The following ASXL3 variants were observed in gnomAD, a reference collection of about 807,000 sequenced individuals.
ASXL3 encodes ASXL transcriptional regulator 3.
A neutral mutation model predicts 170.6 loss-of-function variants in ASXL3; 34 were observed. The observed-to-expected ratio is 0.20, with a 90% CI of 0.15 to 0.27. The LOEUF (loss-of-function observed/expected upper bound fraction) is 0.27. ASXL3 is among the 10% of genes least tolerant of loss of function. ASXL3 has a pLI of 1.00. For synonymous variants in ASXL3, 1,002 were observed against 989.1 expected (o/e 1.01, Z -0.24); for missense variants, 2,592 against 2,695.3 (o/e 0.96, Z 0.85).
chr18:33,652,167 T>C (rs1208354947), intron 4 of ASXL3, among the ~76,000 whole-genome samples: 37 of 151,980 alleles, frequency 2.4e-4, no homozygotes, highest in Non-Finnish European at 7.4e-5. Flanking sequence ...TATTATAAAT[T>C]TTATGGTCTA....
chr18:33,681,131 A>G (rs916178626), intron 7 of ASXL3, among the ~76,000 whole-genome samples: 17 of 151,998 alleles, frequency 1.1e-4, no homozygotes, highest in Admixed American at 9.2e-4. Flanking sequence ...AGAGTTTTAT[A>G]GTGCTCTCAT....
intron 8 of ASXL3, among the ~76,000 whole-genome samples, chr18:33,695,238 G>A (rs2066754026): frequency 6.6e-6 from 1 of 152,072 alleles, no homozygotes; most frequent in Non-Finnish European, 1.5e-5. Context: ...GTAAAAGTAA[G>A]TGTGTGTTTG....
chr18:33,704,034 C>T (rs958922978), intron 8 of ASXL3, among the ~76,000 whole-genome samples: 5 of 152,060 alleles, frequency 3.3e-5, no homozygotes, highest in Non-Finnish European at 7.4e-5. Context: ...TTTTCCTGTG[C>T]TAGATTTCCA....
chr18:33,717,220 C>T (rs773952984), intron 8 of ASXL3, among the ~76,000 whole-genome samples: 3 of 152,046 alleles, frequency 2.0e-5, no homozygotes, highest in Non-Finnish European at 4.4e-5. Context: ...GACCAGCCAG[C>T]ACTAGAGCAA....
At chr18:33,698,668 G>A (rs1488917792) in intron 8 of ASXL3, among the ~76,000 whole-genome samples, 1 of 152,090 alleles carries the variant, frequency 6.6e-6, no homozygotes, top group Admixed American at 6.6e-5. Flanking sequence ...AAAAGAGAAT[G>A]AGCTTACAGA....
At chr18:33,727,041 C>G (rs1431579951) in intron 8 of ASXL3, among the ~76,000 whole-genome samples, 1 of 152,166 alleles carries the variant, frequency 6.6e-6, no homozygotes, top group Non-Finnish European at 1.5e-5. Flanking sequence ...ATTAGAGAGG[C>G]TCATCCTGAT....
At position 33,744,865 on chromosome 18, in the gene ASXL3, C is replaced by A. The variant is rs1179146397; in HGVS notation, c.5017C>A (p.His1673Asn). ...NVALPVKSEL[H>N]EADKGFRMDT... ...TGCTCTTCCTGTGAAATCTGAACTT[C>A]ACGAAGCAGACAAGGGCTTTAGAAT... Residue 1673 changes from histidine to asparagine, a missense_variant, in exon 12 of 12, where the codon CAC (histidine) becomes AAC (asparagine). Physicochemically the swap from His to Asn is moderately conservative, Grantham distance 68. Transcript: ENST00000269197. 2 of 1,614,056 alleles carry A rather than the reference C, an allele frequency of 1.2e-6. No individual in the cohort carries two copies. Among genetic ancestry groups the A allele is most frequent in the East Asian group, 4.5e-5 (2 of 44,884 alleles).
Position 33,744,969 on chromosome 18 carries a change from C to T in ASXL3, c.5121C>T (p.Asn1707=), listed in dbSNP as rs748090520. 6 of 1,613,982 alleles carry T rather than the reference C, an allele frequency of 3.7e-6. No individual in the cohort carries two copies. The highest frequency in any genetic ancestry group is 2.7e-5 in the African/African-American group (2 of 75,038). Residue 1707 remains asparagine (N), a synonymous_variant, in exon 12 of 12, where the codon AAC becomes AAT. Transcript: ENST00000269197. ...EGASSVQQTQ[N]MKASTSSPME... is the part of the protein sequence containing the mutation. The stretch of plus-strand genomic sequence containing the variant: ...CCTCTAGTGTACAACAAACACAGAA[C>T]ATGAAAGCTTCCACCTCAAGTCCCA...
chr18:33,582,435 A>G (rs1354867824), intron 1 of ASXL3, among the ~76,000 whole-genome samples: 2 of 152,130 alleles, frequency 1.3e-5, no homozygotes, highest in Non-Finnish European at 2.9e-5. Context: ...TTGACATGCA[A>G]AAATATTGCT....
intron 1 of ASXL3, among the ~76,000 whole-genome samples, chr18:33,586,485 C>T (rs563799597): frequency 2.0e-5 from 3 of 151,834 alleles, no homozygotes; most frequent in South Asian, 2.1e-4. Flanking sequence ...TCTTGTCTCT[C>T]TCATTTGTAA....
chr18:33,591,648 T>C (rs1242048267), intron 1 of ASXL3, among the ~76,000 whole-genome samples: 1 of 152,034 alleles, frequency 6.6e-6, no homozygotes, highest in Non-Finnish European at 1.5e-5. Context: ...CTTTTTTTTT[T>C]TTTTTCTTTT....
At chr18:33,719,648 C>G (rs746513007) in intron 8 of ASXL3, among the ~76,000 whole-genome samples, 2 of 151,968 alleles carry the variant, frequency 1.3e-5, no homozygotes, top group African/African-American at 2.4e-5. Context: ...AGTGATGTTA[C>G]TAGAAGGTGG....
intron 8 of ASXL3, among the ~76,000 whole-genome samples, chr18:33,695,289 C>T (rs976133682): frequency 2.0e-5 from 3 of 152,062 alleles, no homozygotes; most frequent in Admixed American, 2.0e-4. Flanking sequence ...TTGGCTTTTT[C>T]GCTGAGTCTG....
intron 8 of ASXL3, among the ~76,000 whole-genome samples, chr18:33,684,580 A>C (rs1438208800): frequency 6.6e-6 from 1 of 152,070 alleles, no homozygotes; most frequent in African/African-American, 2.4e-5. Context: ...TTTTGGGTAC[A>C]TTTTCATTTC....
intron 7 of ASXL3, among the ~76,000 whole-genome samples, chr18:33,679,678 C>T (rs1487488117): frequency 3.3e-5 from 5 of 151,920 alleles, no homozygotes; most frequent in Admixed American, 1.3e-4. Context: ...GAGGGCGTTG[C>T]GTACTGATTC....
At chr18:33,596,900 C>A (rs529946245) in intron 1 of ASXL3, among the ~76,000 whole-genome samples, 1 of 152,132 alleles carries the variant, frequency 6.6e-6, no homozygotes, top group Non-Finnish European at 1.5e-5. Flanking sequence ...ACTGCAATCT[C>A]CACCTCTCAG....
intron 1 of ASXL3, among the ~76,000 whole-genome samples, chr18:33,600,821 C>G (rs566078983): frequency 1.3e-5 from 2 of 152,072 alleles, no homozygotes; most frequent in African/African-American, 4.8e-5. Context: ...TGACCCTGGG[C>G]AACTGAAGTA....
intron 2 of ASXL3, chr18:33,615,029 C>T (rs987074951): frequency 1.3e-5 from 2 of 152,020 alleles, no homozygotes; most frequent in African/African-American, 4.8e-5. Context: ...TACATTAGCC[C>T]CAAACGGGAG....
chr18:33,670,917 T>C, intron 6 of ASXL3, 127 bp downstream of exon 6: 3 of 563,290 alleles, frequency 5.3e-6, no homozygotes, highest in Non-Finnish European at 8.8e-6. Flanking sequence ...GTTTAATTTC[T>C]TTATACCTTT....
Sources: allele counts gnomAD v4.1 joint callset (sites outside exome capture counted in the v4.1 genomes callset), GRCh38; gene constraint gnomAD v4.1.1; transcripts MANE v1.5; gene names NCBI Gene and HGNC (gene_info 2026-07-23, HGNC 2026-07-21).